C5orf46: variants seen among roughly 807,000 people sequenced by gnomAD.
C5orf46 encodes chromosome 5 open reading frame 46.
C5orf46 carries 9 observed loss-of-function variants against 8.9 expected under a neutral mutation model. The ratio of observed to expected loss-of-function variants is 1.01; its 90% confidence interval spans 0.61 to 1.76. The LOEUF (loss-of-function observed/expected upper bound fraction) is 1.76. Among genes scored for constraint, C5orf46 ranks in the 40% most tolerant of loss-of-function variants. C5orf46 has a pLI of 0.00. For synonymous variants in C5orf46, 47 were observed against 41.4 expected (o/e 1.14, Z -0.52); for missense variants, 98 against 107.8 (o/e 0.91, Z 0.40).
intron 2 of C5orf46, among the ~76,000 whole-genome samples, chr5:147,899,808 T>G (rs11958481): frequency 0.21 from 32,590 of 152,008 alleles, 5,978 homozygotes; most frequent in African/African-American, 0.51. Context: ...AACTAGTCAT[T>G]AGAAAAGGAG....
At chr5:147,890,732 C>T (rs2163747), downstream of C5orf46, among the ~76,000 whole-genome samples, 17,958 of 151,970 alleles carry the variant, frequency 0.12, 1,452 homozygotes, top group Admixed American at 0.23. Context: ...AAAGAACATA[C>T]TTGGACTATT....
At chr5:147,891,074 C>T (rs910481256), downstream of C5orf46, among the ~76,000 whole-genome samples, 7 of 152,110 alleles carry the variant, frequency 4.6e-5, no homozygotes, top group Non-Finnish European at 1.0e-4. Flanking sequence ...CAGGGGAATT[C>T]TCTGCTGGGA....
chr5:147,901,387 GAAA>G (rs71969066), intron 2 of C5orf46: 740 of 250,036 alleles, frequency 3.0e-3, no homozygotes, highest in Middle Eastern at 9.4e-3. Flanking sequence ...AGATTAAAAA[GAAA>G]AAAAAAAAAA....
rs200286897 is a variant in C5orf46, at chr5:147,901,628, C to A, written c.215+1G>T. ...AAAGCAACGTTTTTCTCAGTGCTTA[C>A]GTGCTCCTGGACATGGAGCGGAGGA... is the stretch of plus-strand genomic sequence containing the variant. On this transcript the variant is annotated splice_donor_variant, in intron 2 of 3. Coordinates refer to ENST00000318315, the MANE Select transcript of C5orf46 (RefSeq NM_206966.3). LOFTEE classifies it high-confidence loss of function. 2 of 1,613,514 alleles carry A rather than the reference C, an allele frequency of 1.2e-6. No homozygotes were observed. The highest frequency in any genetic ancestry group is 1.7e-6 in the Non-Finnish European group (2 of 1,179,646).
intron 1 of C5orf46, among the ~76,000 whole-genome samples, chr5:147,903,470 C>T (rs1176987013): frequency 6.6e-6 from 1 of 152,140 alleles, no homozygotes; most frequent in Non-Finnish European, 1.5e-5. Flanking sequence ...AGACAATGTA[C>T]CCCTGACTTT....
intron 1 of C5orf46, among the ~76,000 whole-genome samples, chr5:147,905,196 C>G (rs542675619): frequency 3.1e-4 from 47 of 151,920 alleles, no homozygotes; most frequent in Non-Finnish European, 4.9e-4. Flanking sequence ...TGTTGAGTTT[C>G]TTAGTGAATG....
chr5:147,891,143 A>G (rs1580980510), downstream of C5orf46, among the ~76,000 whole-genome samples: 1 of 152,154 alleles, frequency 6.6e-6, no homozygotes, highest in South Asian at 2.1e-4. Context: ...TATCTTAGGC[A>G]TGATACCAAT....
chr5:147,903,096 T>G (rs1260815601), intron 1 of C5orf46, among the ~76,000 whole-genome samples: 1 of 152,168 alleles, frequency 6.6e-6, no homozygotes, highest in African/African-American at 2.4e-5. Context: ...TTTTTGACTT[T>G]GCTTGATTGT....
At chr5:147,889,941 T>C (rs1939932061), downstream of C5orf46, among the ~76,000 whole-genome samples, 3 of 152,216 alleles carry the variant, frequency 2.0e-5, no homozygotes, top group Admixed American at 1.3e-4. Flanking sequence ...AGGCTATCCT[T>C]GAATGTCAAG....
chr5:147,887,449 A>G (rs1400548366), intron 2 of C5orf46: 2 of 152,130 alleles, frequency 1.3e-5, no homozygotes, highest in African/African-American at 4.8e-5. Flanking sequence ...CTCATTATCA[A>G]ATGAGAACTT....
At chr5:147,900,927 A>G (rs1031401377) in intron 2 of C5orf46, among the ~76,000 whole-genome samples, 1 of 152,242 alleles carries the variant, frequency 6.6e-6, no homozygotes, top group African/African-American at 2.4e-5. Context: ...GTAGGCAAAA[A>G]TAATATGTAT....
chr5:147,894,920 G>T (rs1186003196), intron 3 of C5orf46, among the ~76,000 whole-genome samples: 1 of 151,736 alleles, frequency 6.6e-6, no homozygotes, highest in African/African-American at 2.4e-5. Context: ...AAAATTAGCC[G>T]GGTGTGGTGA....
chr5:147,895,617 C>T (rs1757568136), intron 3 of C5orf46, among the ~76,000 whole-genome samples: 3 of 152,120 alleles, frequency 2.0e-5, no homozygotes, highest in Admixed American at 6.5e-5. Flanking sequence ...TATTAGACTA[C>T]ATCATAGACC....
At chr5:147,898,760 G>C (rs1025298163) in intron 2 of C5orf46, among the ~76,000 whole-genome samples, 1 of 152,036 alleles carries the variant, frequency 6.6e-6, no homozygotes, top group African/African-American at 2.4e-5. Context: ...AACCCAGAGG[G>C]GAAAATATTC....
At chr5:147,900,100 GATGTAACAATACTA>G (rs1757644042) in intron 2 of C5orf46, among the ~76,000 whole-genome samples, 1 of 152,174 alleles carries the variant, frequency 6.6e-6, no homozygotes, top group African/African-American at 2.4e-5. Context: ...TTGCTGTGTG[GATGTAACAATACTA>G]ATTCAACTGG....
At chr5:147,892,452 C>A (rs976470141), downstream of C5orf46, among the ~76,000 whole-genome samples, 1 of 152,110 alleles carries the variant, frequency 6.6e-6, no homozygotes, top group Non-Finnish European at 1.5e-5. Flanking sequence ...ATGTGTAAAA[C>A]TTTTAACTCT....
At chr5:147,896,829 A>G (rs769942753) in intron 3 of C5orf46, among the ~76,000 whole-genome samples, 155 bp downstream of exon 3, 7 of 152,114 alleles carry the variant, frequency 4.6e-5, no homozygotes, top group Non-Finnish European at 8.8e-5. Flanking sequence ...AAACTTGTAC[A>G]TGAAAAAAAT....
At chr5:147,893,770 G>A (rs941209473) in intron 3 of C5orf46, among the ~76,000 whole-genome samples, 6 of 152,084 alleles carry the variant, frequency 3.9e-5, no homozygotes, top group African/African-American at 7.2e-5. Flanking sequence ...TCCACCTCCC[G>A]ACCTCAGGTG....
chr5:147,903,162 G>A (rs1012107831), intron 1 of C5orf46, among the ~76,000 whole-genome samples: 4 of 152,088 alleles, frequency 2.6e-5, no homozygotes, highest in Admixed American at 6.5e-5. Flanking sequence ...ACATGTGGTC[G>A]CCCCTCTGAG....
Sources: gnomAD v4.1 joint callset for allele counts (sites outside exome capture counted in the v4.1 genomes callset) on GRCh38, gnomAD v4.1.1 for gene constraint, MANE v1.5 for transcripts, NCBI Gene and HGNC (gene_info 2026-07-23, HGNC 2026-07-21) for gene names.